The following CSMD3 variants were observed in gnomAD, a reference collection of about 807,000 sequenced individuals.
CSMD3 encodes the protein CUB and sushi domain-containing protein 3.
Under a neutral mutation model 435.2 loss-of-function variants are expected in CSMD3, and 177 were observed. That is an observed-to-expected ratio of 0.41 (90% CI 0.36 to 0.46). The LOEUF is 0.46. Ranked by LOEUF, CSMD3 falls within the 20% of genes least tolerant of loss-of-function variation. The pLI, the probability that CSMD3 is intolerant of heterozygous loss-of-function variation, is 0.34. For missense variants in CSMD3, 4,265 were observed against 4,504.6 expected (o/e 0.95, Z 1.52); for synonymous variants, 1,656 against 1,520.5 (o/e 1.09, Z -2.07).
chr8:112,271,626 A>G (rs1817541502), intron 59 of CSMD3, among the ~76,000 whole-genome samples: 1 of 152,166 alleles, frequency 6.6e-6, no homozygotes, highest in African/African-American at 2.4e-5. Flanking sequence ...TGGAAAAGAA[A>G]GTTGTTTCCT....
chr8:112,536,784 G>A (rs1554606272), intron 27 of CSMD3, among the ~76,000 whole-genome samples: 1 of 151,168 alleles, frequency 6.6e-6, no homozygotes, highest in Non-Finnish European at 1.5e-5. Context: ...GTCCATCAAT[G>A]ATAGACTGGA....
intron 1 of CSMD3, among the ~76,000 whole-genome samples, chr8:113,353,351 C>A (rs1490083614): frequency 6.6e-6 from 1 of 151,996 alleles, no homozygotes; most frequent in Non-Finnish European, 1.5e-5. Context: ...GAACAAGAGG[C>A]TGTAGAGAGA....
intron 10 of CSMD3, among the ~76,000 whole-genome samples, chr8:112,902,865 G>C (rs1430008868): frequency 1.3e-5 from 2 of 151,234 alleles, no homozygotes; most frequent in Non-Finnish European, 3.0e-5. Context: ...TAAGCATTGA[G>C]AGTTGTTGAG....
chr8:113,122,527 C>A (rs972682933), intron 4 of CSMD3, among the ~76,000 whole-genome samples: 2 of 152,004 alleles, frequency 1.3e-5, no homozygotes, highest in Non-Finnish European at 2.9e-5. Context: ...TATGAGATCA[C>A]CCAGGAATAT....
chr8:113,062,566 T>C (rs990620025), intron 5 of CSMD3, among the ~76,000 whole-genome samples: 2 of 151,862 alleles, frequency 1.3e-5, no homozygotes, highest in Non-Finnish European at 3.0e-5. Flanking sequence ...AAGCAGTAGG[T>C]ATTAAAAAGC....
At chr8:112,279,152 A>G (rs1477707870) in intron 59 of CSMD3, among the ~76,000 whole-genome samples, 1 of 152,230 alleles carries the variant, frequency 6.6e-6, no homozygotes, top group East Asian at 1.9e-4. Context: ...TAGTTATTCA[A>G]CAGAAAGATA....
At chr8:112,584,423 T>C (rs1229789842) in intron 23 of CSMD3, among the ~76,000 whole-genome samples, 1 of 151,666 alleles carries the variant, frequency 6.6e-6, no homozygotes, top group Non-Finnish European at 1.5e-5. Flanking sequence ...AAGTTGTTTA[T>C]AGAAAGAAAG....
At chr8:112,393,940 C>T (rs1406030066) in intron 35 of CSMD3, among the ~76,000 whole-genome samples, 1 of 151,666 alleles carries the variant, frequency 6.6e-6, no homozygotes, top group African/African-American at 2.4e-5. Context: ...AGGCCATATT[C>T]TCTTTCTAAT....
In CSMD3 at chr8:112,679,696, A is replaced by G. The variant is rs192648179; in HGVS notation, c.2677+2746T>C. 3.4e-3 allele frequency among the ~76,000 whole-genome samples: 516 copies of G among 152,266 alleles called. 3 individuals are homozygous for G. The highest frequency in any genetic ancestry group is 0.011 in the African/African-American group (447 of 41,556). ...GACATTACTAATTACTTTTACCTCC[A>G]CCATGAAGCTAGGCACCAAGCAACC... On this transcript the variant is annotated intron_variant, in intron 16 of 70. Coordinates refer to ENST00000297405, the MANE Select transcript of CSMD3 (RefSeq NM_198123.2).
intron 3 of CSMD3, among the ~76,000 whole-genome samples, chr8:113,237,622 C>T (rs531551056): frequency 2.1e-4 from 32 of 150,880 alleles, no homozygotes; most frequent in African/African-American, 7.9e-4. Flanking sequence ...CAGTTGGTCT[C>T]TAGATGAATT....
intron 22 of CSMD3, among the ~76,000 whole-genome samples, chr8:112,614,117 G>A (rs1049929945): frequency 6.6e-6 from 1 of 152,124 alleles, no homozygotes; most frequent in African/African-American, 2.4e-5. Context: ...AAGCAAATGG[G>A]CAACTATGAA....
Position 112,656,100 on chromosome 8 carries a change from A to G in CSMD3, c.3004+54T>C. 3.1e-6 allele frequency: 3 copies of G among 968,664 alleles called. No individual in the cohort carries two copies. In the South Asian group the frequency reaches 4.1e-5, roughly 13 times the overall value. The allele number at this position is 968,664 out of a possible 1,614,324, so 60.0% of individuals were successfully genotyped here. On this transcript the variant is annotated intron_variant, in intron 18 of 70. Transcript: ENST00000297405. ...GTTCCATTAGTAAAACTATAATAATACAAAAAGTAGGGCAAACAGAATGAG... is the reference window on the plus strand; with the variant it reads ...GTTCCATTAGTAAAACTATAATAATGCAAAAAGTAGGGCAAACAGAATGAG...
chr8:113,385,774 A>G (rs985547677), intron 1 of CSMD3, among the ~76,000 whole-genome samples: 2 of 152,118 alleles, frequency 1.3e-5, no homozygotes, highest in African/African-American at 4.8e-5. Flanking sequence ...AATAATATTT[A>G]AAGTTTATGG....
At chr8:112,314,697 T>C (rs1287160545) in intron 47 of CSMD3, 80 bp from the exon 48 acceptor site, 2 of 929,770 alleles carry the variant, frequency 2.2e-6, no homozygotes, top group African/African-American at 1.6e-5. Context: ...CTGAGTATTC[T>C]GCTTTCATGT....
chr8:112,854,476 T>C (rs2080589296), intron 11 of CSMD3, among the ~76,000 whole-genome samples: 1 of 152,204 alleles, frequency 6.6e-6, no homozygotes, highest in Non-Finnish European at 1.5e-5. Flanking sequence ...GATGACTGCA[T>C]TGAAGCCAGA....
intron 38 of CSMD3, among the ~76,000 whole-genome samples, chr8:112,362,845 C>A (rs1475470633): frequency 6.6e-6 from 1 of 151,902 alleles, no homozygotes; most frequent in East Asian, 1.9e-4. Context: ...GGTGTTCTGA[C>A]ACAGAAAGTA....
intron 18 of CSMD3, among the ~76,000 whole-genome samples, chr8:112,652,916 A>G (rs1446896728): frequency 6.6e-6 from 1 of 152,138 alleles, no homozygotes. Flanking sequence ...GGGTTCAAGC[A>G]ATCAATTCTC....
At chr8:113,287,597 A>T (rs1411900571) in intron 2 of CSMD3, among the ~76,000 whole-genome samples, 2 of 152,014 alleles carry the variant, frequency 1.3e-5, no homozygotes, top group Non-Finnish European at 2.9e-5. Flanking sequence ...ACGTGTGAGA[A>T]AGGCAAATTC....
intron 4 of CSMD3, among the ~76,000 whole-genome samples, chr8:113,163,866 A>T (rs773184792): frequency 6.6e-5 from 10 of 152,024 alleles, no homozygotes; most frequent in Non-Finnish European, 1.2e-4. Context: ...CATTGTTTAT[A>T]TGTCAGTAAA....
Sources: allele counts gnomAD v4.1 joint callset (sites outside exome capture counted in the v4.1 genomes callset), GRCh38; gene constraint gnomAD v4.1.1; transcripts MANE v1.5; gene names NCBI Gene and HGNC (gene_info 2026-07-23, HGNC 2026-07-21).